ST3GAL1: variants seen among roughly 807,000 people sequenced by gnomAD.
The protein encoded by ST3GAL1 is ST3 beta-galactoside alpha-2,3-sialyltransferase 1.
ST3GAL1 carries 16 observed loss-of-function variants against 34.1 expected under a neutral mutation model. That is an observed-to-expected ratio of 0.47 (90% CI 0.32 to 0.71). The LOEUF (loss-of-function observed/expected upper bound fraction) is 0.71, where lower values mean the gene tolerates loss of function less well. ST3GAL1 is among the 30% of genes least tolerant of loss of function. ST3GAL1 has a pLI of 0.04. For missense variants in ST3GAL1, 353 were observed against 447.4 expected, an observed-to-expected ratio of 0.79 and a Z score of 1.90; for synonymous variants, 191 against 184.7, an observed-to-expected ratio of 1.03 and a Z score of -0.28.
chr8:133,554,795 C>T (rs888941470), intron 1 of ST3GAL1, among the ~76,000 whole-genome samples: 4 of 148,626 alleles, frequency 2.7e-5, no homozygotes, highest in Admixed American at 6.8e-5. Flanking sequence ...GGCGCGATCT[C>T]GGCTCACTGC....
chr8:133,527,846 G>A (rs1190933597), intron 2 of ST3GAL1, among the ~76,000 whole-genome samples: 1 of 152,134 alleles, frequency 6.6e-6, no homozygotes, highest in Non-Finnish European at 1.5e-5. Flanking sequence ...CACCCCAGGG[G>A]ACTGAGCCCA....
chr8:133,540,975 A>ATAGACATATATG (rs1259323268), intron 2 of ST3GAL1, among the ~76,000 whole-genome samples: 2 of 48,776 alleles, frequency 4.1e-5, no homozygotes, highest in African/African-American at 1.7e-4. Context: ...AGACATATAT[A>ATAGACATATATG]TGCAGACATA....
At chr8:133,569,631 T>C (rs946470629) in intron 1 of ST3GAL1, among the ~76,000 whole-genome samples, 3 of 152,076 alleles carry the variant, frequency 2.0e-5, no homozygotes, top group Non-Finnish European at 4.4e-5. Context: ...CTCTAGTCAG[T>C]CATTTCAGCC....
At chr8:133,551,582 GA>G (rs1377177248) in intron 1 of ST3GAL1, among the ~76,000 whole-genome samples, 6 of 149,606 alleles carry the variant, frequency 4.0e-5, no homozygotes, top group African/African-American at 1.5e-4. Context: ...AAGAAAGAAA[GA>G]AAGAAAGAAA....
At chr8:133,491,511 G>A (rs1026055971) in intron 3 of ST3GAL1, among the ~76,000 whole-genome samples, 3 of 152,140 alleles carry the variant, frequency 2.0e-5, no homozygotes, top group South Asian at 2.1e-4. Context: ...AGGTGTGGCC[G>A]CTCTGGAGCC....
Position 133,498,414 on chromosome 8 carries a change from G to GA in ST3GAL1, c.-374+720dup, listed in dbSNP as rs145405613. Reference sequence around the variant, plus strand: ...ATCTGGAAAATGGGATGATTATAATGAAACTTCCAATGAGCCCTGCCCATG... The same window carrying GA: ...ATCTGGAAAATGGGATGATTATAATGAAAACTTCCAATGAGCCCTGCCCATG... On this transcript the variant is annotated intron_variant, in intron 3 of 9. Transcript: ENST00000522652. 2.0e-5 allele frequency among the ~76,000 whole-genome samples: 3 copies of GA among 152,316 alleles called. No homozygotes were observed. The East Asian group carries it at 5.8e-4, about 29-fold the overall frequency.
At chr8:133,523,083 C>A (rs892605306) in intron 2 of ST3GAL1, among the ~76,000 whole-genome samples, 39 of 152,168 alleles carry the variant, frequency 2.6e-4, no homozygotes, top group Non-Finnish European at 5.1e-4. Flanking sequence ...ACAGATGGGG[C>A]TGCGCTCTGT....
At chr8:133,527,709 C>T (rs946584297) in intron 2 of ST3GAL1, among the ~76,000 whole-genome samples, 32 of 152,182 alleles carry the variant, frequency 2.1e-4, no homozygotes, top group African/African-American at 6.3e-4. Flanking sequence ...CCATGGCTCA[C>T]GCAGAGCTGG....
chr8:133,538,042 A>C (rs546216500), intron 2 of ST3GAL1, among the ~76,000 whole-genome samples: 47 of 152,280 alleles, frequency 3.1e-4, no homozygotes, highest in African/African-American at 1.0e-3. Flanking sequence ...GCTGCATTTG[A>C]GGGCACTGCG....
intron 2 of ST3GAL1, among the ~76,000 whole-genome samples, chr8:133,525,401 C>T (rs1255859155): frequency 6.6e-6 from 1 of 152,246 alleles, no homozygotes; most frequent in African/African-American, 2.4e-5. Context: ...GCTGATTGGT[C>T]CATGGATGGC....
chr8:133,489,653 G>A (rs1816727954), intron 3 of ST3GAL1: 1 of 152,162 alleles, frequency 6.6e-6, no homozygotes. Context: ...GTCCCACCAG[G>A]GGGACACTCC....
At chr8:133,499,996 A>G (rs576058656) in intron 2 of ST3GAL1, among the ~76,000 whole-genome samples, 1 of 152,340 alleles carries the variant, frequency 6.6e-6, no homozygotes, top group South Asian at 2.1e-4. Context: ...GAAGGAACAG[A>G]GAGACGTGAA....
chr8:133,564,519 T>TACACACACACACACACACAC (rs60855292), intron 1 of ST3GAL1, among the ~76,000 whole-genome samples: 86 of 145,950 alleles, frequency 5.9e-4, no homozygotes, highest in African/African-American at 1.6e-3. Context: ...AAAGAGAAAA[T>TACACACACACACACACACAC]ACACACACAC....
At chr8:133,510,625 G>A (rs185749521) in intron 2 of ST3GAL1, among the ~76,000 whole-genome samples, 148 of 152,234 alleles carry the variant, frequency 9.7e-4, no homozygotes, top group African/African-American at 3.2e-3. Context: ...ACTAATTAGT[G>A]CCACTAATTA....
chr8:133,461,263 C>T lies in ST3GAL1; in HGVS notation c.849+612G>A, dbSNP rs995995306. Among the ~76,000 whole-genome samples, 15 of 152,154 alleles carry T rather than the reference C, an allele frequency of 9.9e-5. No homozygotes were observed. The highest frequency in any genetic ancestry group is 3.4e-4 in the African/African-American group (14 of 41,434). On this transcript the variant is annotated intron_variant, in intron 9 of 9. Coordinates refer to ENST00000522652, the MANE Select transcript of ST3GAL1 (RefSeq NM_173344.3). The surrounding 1 kb of genome is among the most constrained non-coding windows in gnomAD (Gnocchi z 4.7). ...ACGTGAGGGCCCTGCCTGAACCCAA[C>T]ATCAGGGAGGAAGTGGGGGCTGTGT...
At position 133,556,166 on chromosome 8, in the gene ST3GAL1, G is replaced by T. The variant is rs970323409; in HGVS notation, c.-581-10240C>A. ...CCATCTCGGCCTCCCAAAGTGCTAG[G>T]ATTGCAGGCATGAGCCACCATGCCC... On this transcript the variant is annotated intron_variant, in intron 1 of 9. Transcript: ENST00000522652. This position sits in a 1 kb window ranked among gnomAD's most constrained non-coding sequence, Gnocchi z 8.9. Among the ~76,000 whole-genome samples the T allele has an allele frequency of 6.6e-6, 1 of 152,178 alleles. No individual in the cohort carries two copies. The highest frequency in any genetic ancestry group is 1.5e-5 in the Non-Finnish European group (1 of 68,030).
At chr8:133,550,551 C>T (rs917324818) in intron 1 of ST3GAL1, among the ~76,000 whole-genome samples, 11 of 152,134 alleles carry the variant, frequency 7.2e-5, no homozygotes, top group East Asian at 1.9e-4. Context: ...TAATACCAGG[C>T]GAATTACTAT....
At chr8:133,527,638 T>C (rs1197472955) in intron 2 of ST3GAL1, among the ~76,000 whole-genome samples, 1 of 152,192 alleles carries the variant, frequency 6.6e-6, no homozygotes, top group Non-Finnish European at 1.5e-5. Flanking sequence ...ATCATGTGCG[T>C]GCAACCAAAA....
intron 3 of ST3GAL1, among the ~76,000 whole-genome samples, chr8:133,493,384 T>C (rs1228898494): frequency 6.6e-6 from 1 of 152,204 alleles, no homozygotes; most frequent in East Asian, 1.9e-4. Flanking sequence ...TGCCCAGCAC[T>C]GGCTAGAGAC....
Sources: gnomAD v4.1 joint callset for allele counts (sites outside exome capture counted in the v4.1 genomes callset) on GRCh38, gnomAD v4.1.1 for gene constraint, Gnocchi (gnomAD v3.1) non-coding constraint, MANE v1.5 for transcripts, NCBI Gene and HGNC (gene_info 2026-07-23, HGNC 2026-07-21) for gene names.